The following GRK5 variants were observed in gnomAD, a reference collection of about 807,000 sequenced individuals.
GRK5 encodes G protein-coupled receptor kinase 5.
In GRK5, 40 loss-of-function variants were observed where a neutral mutation model predicts 78.4. The observed-to-expected ratio is 0.51, with a 90% confidence interval of 0.40 to 0.66. GRK5 has a LOEUF of 0.66. Among genes scored for constraint, GRK5 ranks in the 30% least tolerant of loss-of-function variants. GRK5 has a pLI of 0.00. For synonymous variants in GRK5, 289 were observed against 296.8 expected (o/e 0.97, Z 0.27); for missense variants, 598 against 759.9 (o/e 0.79, Z 2.50).
chr10:119,235,232 A>C (rs1848905207), intron 1 of GRK5, among the ~76,000 whole-genome samples: 1 of 151,666 alleles, frequency 6.6e-6, no homozygotes, highest in Non-Finnish European at 1.5e-5. Flanking sequence ...GGCTTTCATC[A>C]GTGGTGATGT....
In GRK5 at chr10:119,443,531, C is replaced by G; in HGVS notation, c.1058-13C>G. On this transcript the variant is annotated splice_polypyrimidine_tract_variant and intron_variant, in intron 11 of 15. Transcript: ENST00000392870. ...CCTCCTCCTCACTCCTCTCTCCTCT[C>G]CTCTGCCCCCAGCTCCAGAGGTCCT... 6.3e-7 allele frequency: 1 copy of G among 1,598,296 alleles called. No homozygotes were observed. The highest frequency in any genetic ancestry group is 2.3e-5 in the East Asian group (1 of 44,364).
intron 1 of GRK5, among the ~76,000 whole-genome samples, chr10:119,311,250 C>T (rs1564886210): frequency 1.3e-5 from 2 of 152,196 alleles, no homozygotes; most frequent in Non-Finnish European, 2.9e-5. Context: ...TGTCCAAGCA[C>T]TGTTCTAGGT....
intron 1 of GRK5, among the ~76,000 whole-genome samples, chr10:119,260,749 A>G (rs1849369275): frequency 1.3e-5 from 2 of 150,940 alleles, no homozygotes; most frequent in Admixed American, 6.6e-5. Flanking sequence ...CAGGATCCCA[A>G]GGCAGAAGAA....
At chr10:119,344,151 A>G (rs1041786583) in intron 2 of GRK5, among the ~76,000 whole-genome samples, 1 of 143,906 alleles carries the variant, frequency 6.9e-6, no homozygotes, top group African/African-American at 2.6e-5. Flanking sequence ...CAGTTATTTT[A>G]TTTTATTTTT....
intron 1 of GRK5, among the ~76,000 whole-genome samples, chr10:119,291,091 G>A (rs77903082): frequency 0.021 from 3,220 of 152,224 alleles, 74 homozygotes; most frequent in East Asian, 0.059. Flanking sequence ...CATTAGATTG[G>A]TAGGTGAATT....
At chr10:119,226,177 A>G (rs74895846) in intron 1 of GRK5, among the ~76,000 whole-genome samples, 3,120 of 151,420 alleles carry the variant, frequency 0.021, 76 homozygotes, top group South Asian at 0.062. Flanking sequence ...ACGAGGTTTC[A>G]TCATATTGGC....
At chr10:119,351,392 G>A (rs867018411) in intron 2 of GRK5, among the ~76,000 whole-genome samples, 1 of 152,120 alleles carries the variant, frequency 6.6e-6, no homozygotes, top group Non-Finnish European at 1.5e-5. Flanking sequence ...GAATCATGGG[G>A]GTGGTTTCTC....
At chr10:119,393,610 C>T (rs936995602) in intron 3 of GRK5, among the ~76,000 whole-genome samples, 5 of 152,232 alleles carry the variant, frequency 3.3e-5, no homozygotes, top group African/African-American at 4.8e-5. Context: ...GCCGGACCAA[C>T]GGCGGGCTGT....
At position 119,455,248 on chromosome 10, in the gene GRK5, T is replaced by C. The variant is rs1377181519; in HGVS notation, c.*181T>C. 2 of 705,614 alleles carry C rather than the reference T, an allele frequency of 2.8e-6. No individual in the cohort carries two copies. The highest frequency in any genetic ancestry group is 5.4e-5 in the East Asian group (2 of 37,250). The allele number at this position is 705,614 out of a possible 1,614,324, so 43.7% of individuals were successfully genotyped here. ...TTTCTCAAAGAAATTTCCACTCAGGTCTGTTTTCCGAGGCGGCCCCGGCCG... is the reference window on the plus strand; with the variant it reads ...TTTCTCAAAGAAATTTCCACTCAGGCCTGTTTTCCGAGGCGGCCCCGGCCG... On this transcript the variant is annotated 3_prime_UTR_variant, in exon 16 of 16. Transcript: ENST00000392870.
intron 1 of GRK5, among the ~76,000 whole-genome samples, chr10:119,315,558 C>T (rs1850471575): frequency 6.6e-6 from 1 of 152,192 alleles, no homozygotes; most frequent in Admixed American, 6.5e-5. Flanking sequence ...TTTGCCCAGG[C>T]CAGATCTGAC....
chr10:119,452,838 TGGGTGGGAGGGAGGGACTGAC>T lies in GRK5; in HGVS notation c.1542+37_1542+57del. On this transcript the variant is annotated intron_variant, in intron 14 of 15. Transcript: ENST00000392870. The surrounding 1 kb of genome is among the most constrained non-coding windows in gnomAD (Gnocchi z 4.4). Reference sequence around the variant, plus strand: ...GCAGGGCAGACCACTTGCTTTGGTCTGGGTGGGAGGGAGGGACTGACGGGTGGAAGGAGGCGTCGGGAATAT... The same window carrying T: ...GCAGGGCAGACCACTTGCTTTGGTCTGGGTGGAAGGAGGCGTCGGGAATAT... The T allele has an allele frequency of 1.9e-6, 1 of 523,522 alleles. No individual in the cohort carries two copies. The highest frequency in any genetic ancestry group is 3.8e-6 in the Non-Finnish European group (1 of 261,050). The allele number at this position is 523,522 out of a possible 1,614,324, so 32.4% of individuals were successfully genotyped here. A position where few individuals can be genotyped will look rare whatever the true frequency, so the allele number is the denominator to read the frequency against.
At chr10:119,432,221 AG>A (rs1263888807) in intron 8 of GRK5, among the ~76,000 whole-genome samples, 2 of 152,194 alleles carry the variant, frequency 1.3e-5, no homozygotes, top group African/African-American at 4.8e-5. Context: ...AGTTAGTTTC[AG>A]GGGAGGCTGG....
At chr10:119,301,826 A>T (rs1333165103) in intron 1 of GRK5, among the ~76,000 whole-genome samples, 1 of 152,194 alleles carries the variant, frequency 6.6e-6, no homozygotes, top group Non-Finnish European at 1.5e-5. Flanking sequence ...CCAATGGCAG[A>T]CATTACTAAC....
At chr10:119,414,794 A>G (rs1852413322) in intron 4 of GRK5, among the ~76,000 whole-genome samples, 1 of 152,104 alleles carries the variant, frequency 6.6e-6, no homozygotes, top group Non-Finnish European at 1.5e-5. Context: ...AAGAAAAGGC[A>G]ATGATGGCCG....
At chr10:119,258,856 TTGAC>T in intron 1 of GRK5, among the ~76,000 whole-genome samples, 1 of 152,292 alleles carries the variant, frequency 6.6e-6, no homozygotes, top group East Asian at 1.9e-4. Flanking sequence ...CTGTCAGTTA[TTGAC>T]TGAGGGCTCC....
intron 1 of GRK5, among the ~76,000 whole-genome samples, chr10:119,277,597 C>A (rs1479598886): frequency 6.6e-6 from 1 of 152,184 alleles, no homozygotes; most frequent in African/African-American, 2.4e-5. Flanking sequence ...GTAAGCCACA[C>A]ATATTTAAAG....
At chr10:119,344,926 C>CTTCCTTCCTTCCTTCT (rs1282486689) in intron 2 of GRK5, among the ~76,000 whole-genome samples, 7 of 144,756 alleles carry the variant, frequency 4.8e-5, no homozygotes, top group African/African-American at 1.8e-4. Flanking sequence ...TCCTTCCTTC[C>CTTCCTTCCTTCCTTCT]TTCCTTCCTT....
At chr10:119,358,406 G>A (rs1851300781) in intron 2 of GRK5, among the ~76,000 whole-genome samples, 1 of 152,156 alleles carries the variant, frequency 6.6e-6, no homozygotes, top group Admixed American at 6.5e-5. Context: ...CTGAGTGGTG[G>A]TGCCAGGATT....
chr10:119,395,956 C>T (rs1378459997), intron 3 of GRK5, among the ~76,000 whole-genome samples: 1 of 152,200 alleles, frequency 6.6e-6, no homozygotes, highest in Admixed American at 6.5e-5. Flanking sequence ...ACTGCCCTGG[C>T]TCTTTCGAGG....
Sources: gnomAD v4.1 joint callset for allele counts (sites outside exome capture counted in the v4.1 genomes callset) on GRCh38, gnomAD v4.1.1 for gene constraint, Gnocchi (gnomAD v3.1) non-coding constraint, MANE v1.5 for transcripts, NCBI Gene and HGNC (gene_info 2026-07-23, HGNC 2026-07-21) for gene names.